The following HECW1 variants were observed in gnomAD, a reference collection of about 807,000 sequenced individuals.
HECW1 encodes E3 ubiquitin-protein ligase HECW1.
Under a neutral mutation model 182.3 loss-of-function variants are expected in HECW1, and 61 were observed. The observed-to-expected ratio is 0.33, with a 90% confidence interval of 0.27 to 0.41. The LOEUF is 0.41. Ranked by LOEUF, HECW1 falls within the 10% of genes least tolerant of loss-of-function variation. The probability of loss-of-function intolerance (pLI) is 1.00; values close to 1 mark genes in which losing one functional copy is unlikely to be tolerated. For synonymous variants in HECW1, 859 were observed against 832.6 expected (o/e 1.03, Z -0.55); for missense variants, 1,739 against 2,108.9 (o/e 0.82, Z 3.44).
At chr7:43,129,599 A>G (rs983749033) in intron 2 of HECW1, among the ~76,000 whole-genome samples, 1 of 152,194 alleles carries the variant, frequency 6.6e-6, no homozygotes, top group Non-Finnish European at 1.5e-5. Context: ...TCTCTGAGGT[A>G]TGCTTATATT....
At chr7:43,362,790 A>T (rs1816128853) in intron 6 of HECW1, among the ~76,000 whole-genome samples, 1 of 152,250 alleles carries the variant, frequency 6.6e-6, no homozygotes, top group Admixed American at 6.5e-5. Context: ...GAAGCCAATT[A>T]GGGAAAACCC....
intron 2 of HECW1, among the ~76,000 whole-genome samples, chr7:43,242,380 C>T (rs774449902): frequency 6.6e-6 from 1 of 152,048 alleles, no homozygotes; most frequent in African/African-American, 2.4e-5. Flanking sequence ...TAGGAGCAGA[C>T]GAACTCAGTG....
At chr7:43,472,199 G>A (rs1363090411) in intron 16 of HECW1, among the ~76,000 whole-genome samples, 1 of 152,096 alleles carries the variant, frequency 6.6e-6, no homozygotes, top group Non-Finnish European at 1.5e-5. Flanking sequence ...AAAGCAGAAG[G>A]AAGGAACCAG....
chr7:43,402,719 T>C lies in HECW1; in HGVS notation c.632-4843T>C, dbSNP rs147418661. On this transcript the variant is annotated intron_variant, in intron 7 of 29. Transcript: ENST00000395891. ...AAAGGGGAAATAAGCAGAAAGTAGA[T>C]AATGGAATTGCCTTCTTAGAAAGCT... is the stretch of plus-strand genomic sequence containing the variant. 3.7e-3 allele frequency among the ~76,000 whole-genome samples: 560 copies of C among 152,314 alleles called. 4 individuals carry two copies. Among genetic ancestry groups the C allele is most frequent in the African/African-American group, 0.012 (485 of 41,564 alleles).
At chr7:43,463,840 G>A (rs762799698) in intron 14 of HECW1, 41 bp downstream of exon 14, 97 of 1,605,418 alleles carry the variant, frequency 6.0e-5, no homozygotes, top group Non-Finnish European at 7.8e-5. Flanking sequence ...ATGGCTTTCA[G>A]GGGCTGTGTG....
chr7:43,257,198 G>A lies in HECW1; in HGVS notation c.27+13266G>A, dbSNP rs182373048. On this transcript the variant is annotated intron_variant, in intron 3 of 29. Coordinates refer to ENST00000395891, the MANE Select transcript of HECW1 (RefSeq NM_015052.5). ...TATGTTAATTAATATTCCAAAGTGAGCTATTAGTAGTTGGTCATGAAAGAG... is the reference window on the plus strand; with the variant it reads ...TATGTTAATTAATATTCCAAAGTGAACTATTAGTAGTTGGTCATGAAAGAG... 3.9e-3 allele frequency among the ~76,000 whole-genome samples: 593 copies of A among 152,306 alleles called. 4 individuals carry two copies. The highest frequency in any genetic ancestry group is 0.013 in the African/African-American group (525 of 41,562).
intron 2 of HECW1, among the ~76,000 whole-genome samples, chr7:43,210,111 A>T (rs1410531107): frequency 6.6e-6 from 1 of 152,180 alleles, no homozygotes; most frequent in African/African-American, 2.4e-5. Flanking sequence ...ACCCAGCCGT[A>T]TGTGGGGTGT....
At chr7:43,463,821 C>A (rs1342187503) in intron 14 of HECW1, 22 bp downstream of exon 14, 12 of 1,611,776 alleles carry the variant, frequency 7.4e-6, no homozygotes, top group Non-Finnish European at 1.0e-5. Context: ...GGGGTCCCCA[C>A]AACCTGTGAT....
chr7:43,120,640 T>G (rs1322746119), intron 2 of HECW1, among the ~76,000 whole-genome samples: 4 of 151,948 alleles, frequency 2.6e-5, no homozygotes, highest in African/African-American at 9.7e-5. Context: ...CTCTATTTAT[T>G]TATTTATTTG....
intron 2 of HECW1, among the ~76,000 whole-genome samples, chr7:43,164,951 G>A (rs968878726): frequency 6.6e-6 from 1 of 152,214 alleles, no homozygotes; most frequent in Admixed American, 6.5e-5. Flanking sequence ...GCAGAAGGAT[G>A]AATCAGTGGT....
At chr7:43,244,030 G>T in intron 3 of HECW1, 98 bp downstream of exon 3, 2 of 975,282 alleles carry the variant, frequency 2.1e-6, no homozygotes. Context: ...GGGCCATTGC[G>T]GTTGCCCAGC....
intron 10 of HECW1, among the ~76,000 whole-genome samples, chr7:43,443,274 C>T (rs1252105363): frequency 6.6e-6 from 1 of 152,204 alleles, no homozygotes; most frequent in African/African-American, 2.4e-5. Context: ...TTACAAGTTG[C>T]TGTTAAGTCT....
At chr7:43,311,738 G>A (rs1562818968) in intron 3 of HECW1, 25 bp from the exon 4 acceptor site, 9 of 1,610,874 alleles carry the variant, frequency 5.6e-6, no homozygotes, top group Non-Finnish European at 6.8e-6. Flanking sequence ...CCCTGACCCT[G>A]CTCACTGTCT....
intron 2 of HECW1, among the ~76,000 whole-genome samples, chr7:43,210,559 C>T (rs977423715): frequency 1.3e-5 from 2 of 151,952 alleles, no homozygotes; most frequent in Non-Finnish European, 2.9e-5. Flanking sequence ...GCCTCGTGTT[C>T]GCTAACCTGG....
chr7:43,156,942 A>G (rs1789944167), intron 2 of HECW1, among the ~76,000 whole-genome samples: 1 of 152,228 alleles, frequency 6.6e-6, no homozygotes, highest in Non-Finnish European at 1.5e-5. Flanking sequence ...TGTAGTGTGA[A>G]TGAGAAAAGA....
At chr7:43,416,303 G>C (rs1237629446) in intron 8 of HECW1, among the ~76,000 whole-genome samples, 6 of 151,340 alleles carry the variant, frequency 4.0e-5, no homozygotes, top group East Asian at 1.9e-4. Flanking sequence ...AGGTGTCAGT[G>C]TGCCCCTGCT....
intron 3 of HECW1, among the ~76,000 whole-genome samples, chr7:43,271,143 T>C (rs1430499047): frequency 6.6e-6 from 1 of 152,202 alleles, no homozygotes; most frequent in Admixed American, 6.5e-5. Flanking sequence ...ATTCCACAAA[T>C]TATCTAGAAG....
intron 2 of HECW1, 107 bp downstream of exon 2, chr7:43,114,498 A>G (rs1784888601): frequency 2.0e-6 from 2 of 995,650 alleles, no homozygotes; most frequent in African/African-American, 1.7e-5. Flanking sequence ...CCTGTTTGGT[A>G]GAGAGATAGA....
chr7:43,507,964 C>T, intron 22 of HECW1, 54 bp from the exon 23 acceptor site: 1 of 1,276,488 alleles, frequency 7.8e-7, no homozygotes. Flanking sequence ...ACTTAGAACC[C>T]TGTCCAGCAT....
Sources: allele counts gnomAD v4.1 joint callset (sites outside exome capture counted in the v4.1 genomes callset), GRCh38; gene constraint gnomAD v4.1.1; transcripts MANE v1.5; gene names NCBI Gene and HGNC (gene_info 2026-07-23, HGNC 2026-07-21).